The following CHRM5 variants were observed in gnomAD, a reference collection of about 807,000 sequenced individuals.
The protein encoded by CHRM5 is cholinergic receptor muscarinic 5.
In CHRM5, 18 loss-of-function variants were observed where a neutral mutation model predicts 39.0. That is an observed-to-expected ratio of 0.46 (90% CI 0.32 to 0.68). The LOEUF (loss-of-function observed/expected upper bound fraction) is 0.68. Among genes scored for constraint, CHRM5 ranks in the 30% least tolerant of loss-of-function variants. The probability of loss-of-function intolerance (pLI) is 0.04; values close to 1 mark genes in which losing one functional copy is unlikely to be tolerated. For synonymous variants in CHRM5, 241 were observed against 246.3 expected (o/e 0.98, Z 0.20); for missense variants, 515 against 651.1 (o/e 0.79, Z 2.28).
intron 1 of CHRM5, among the ~76,000 whole-genome samples, chr15:34,039,415 A>AG (rs1226972475): frequency 1.3e-5 from 2 of 151,662 alleles, no homozygotes; most frequent in Non-Finnish European, 2.9e-5. Context: ...CTCTCGGAAA[A>AG]AAAAAGTTTA....
chr15:34,039,002 T>C (rs1440529659), intron 1 of CHRM5: 1 of 1,116,642 alleles, frequency 9.0e-7, no homozygotes, highest in Non-Finnish European at 1.1e-6. Flanking sequence ...GGCCGCGGCC[T>C]GGCCGCCGCC....
intron 1 of CHRM5, among the ~76,000 whole-genome samples, chr15:33,976,342 CTAAG>C (rs1422632470): frequency 2.0e-5 from 3 of 152,228 alleles, no homozygotes; most frequent in Admixed American, 6.5e-5. Flanking sequence ...AGTCAATCTC[CTAAG>C]TGAGTAATGT....
intron 1 of CHRM5, among the ~76,000 whole-genome samples, chr15:34,021,794 G>A (rs1898211793): frequency 6.6e-6 from 1 of 152,134 alleles, no homozygotes; most frequent in South Asian, 2.1e-4. Flanking sequence ...GGTGGAGGTT[G>A]CAGTGAGCCG....
At chr15:34,030,397 G>A (rs559602792) in intron 1 of CHRM5, among the ~76,000 whole-genome samples, 163 of 152,166 alleles carry the variant, frequency 1.1e-3, no homozygotes, top group African/African-American at 2.7e-3. Flanking sequence ...CCAGGCTGGA[G>A]TGCAGTGGCG....
At chr15:34,054,053 A>C (rs903290661) in intron 2 of CHRM5, among the ~76,000 whole-genome samples, 7 of 152,206 alleles carry the variant, frequency 4.6e-5, no homozygotes, top group African/African-American at 9.7e-5. Context: ...GAAGACATAC[A>C]TGCGGCCAAA....
intron 1 of CHRM5, among the ~76,000 whole-genome samples, chr15:34,004,573 TTGTTA>T (rs1897261785): frequency 6.6e-6 from 1 of 152,204 alleles, no homozygotes; most frequent in South Asian, 2.1e-4. Flanking sequence ...TATTGTTTGT[TTGTTA>T]TAATACTGGT....
chr15:34,063,915 G>A lies in CHRM5; in HGVS notation c.1198G>A (p.Val400Met). 1 of 1,614,192 alleles carries A rather than the reference G, an allele frequency of 6.2e-7. No individual in the cohort carries two copies. The highest frequency in any genetic ancestry group is 8.5e-7 in the Non-Finnish European group (1 of 1,180,042). The change falls in exon 3 of 3, where the codon GTG becomes ATG. Residue 400 changes from valine (V) to methionine (M), a missense_variant. Physicochemically the swap from Val to Met is conservative, Grantham distance 21 (BLOSUM62 1). Transcript: ENST00000383263. The surrounding 1 kb of genome is among the most constrained non-coding windows in gnomAD (Gnocchi z 4.1). The stretch of plus-strand genomic sequence containing the variant: ...GGAGACCAACAATGGCTGTCACAAG[G>A]TGAAAATCATGCCCTGCCCCTTCCC... ...NQETNNGCHKVKIMPCPFPVA... is the reference protein window; with the variant it reads ...NQETNNGCHKMKIMPCPFPVA...
At position 33,993,852 on chromosome 15, in the gene CHRM5, T is replaced by C. The variant is rs993373676; in HGVS notation, c.-408+24702T>C. The stretch of plus-strand genomic sequence containing the variant: ...CTTAAAAAATAGGGTTTTTTTTTCC[T>C]GTGTTTGAACTTTATATAATAGAAT... On this transcript the variant is annotated intron_variant, in intron 1 of 2. Coordinates refer to ENST00000383263, the MANE Select transcript of CHRM5 (RefSeq NM_012125.4). Among the ~76,000 whole-genome samples the C allele has an allele frequency of 2.0e-5, 3 of 152,086 alleles. No individual in the cohort carries two copies. In the East Asian group the frequency reaches 5.8e-4, roughly 29 times the overall value.
At chr15:34,021,913 GAAA>G (rs1252277460) in intron 1 of CHRM5, among the ~76,000 whole-genome samples, 1 of 152,084 alleles carries the variant, frequency 6.6e-6, no homozygotes, top group Non-Finnish European at 1.5e-5. Context: ...ACATTAACAT[GAAA>G]AAGAAGTGAG....
chr15:34,024,030 C>T (rs998527574), intron 1 of CHRM5, among the ~76,000 whole-genome samples: 4 of 152,144 alleles, frequency 2.6e-5, no homozygotes, highest in African/African-American at 7.2e-5. Flanking sequence ...AAACCTGCTA[C>T]CAGAAAATAA....
intron 1 of CHRM5, among the ~76,000 whole-genome samples, 182 bp from the exon 2 acceptor site, chr15:34,046,358 C>G (rs370791254): frequency 8.8e-6 from 1 of 113,362 alleles, no homozygotes; most frequent in Admixed American, 8.8e-5. Context: ...AAAAAAAAAA[C>G]GGGAAAAAGA....
At chr15:33,974,106 A>G (rs1249042328) in intron 1 of CHRM5, among the ~76,000 whole-genome samples, 5 of 152,206 alleles carry the variant, frequency 3.3e-5, no homozygotes, top group South Asian at 2.1e-4. Context: ...CTTTTGCTCT[A>G]TTTGACATAT....
intron 2 of CHRM5, among the ~76,000 whole-genome samples, chr15:34,058,704 A>G (rs908860676): frequency 6.6e-6 from 1 of 152,124 alleles, no homozygotes; most frequent in Non-Finnish European, 1.5e-5. Context: ...TTCTCTGCCT[A>G]TAAAGCCAAA....
chr15:34,017,961 T>C (rs945518679), intron 1 of CHRM5, among the ~76,000 whole-genome samples: 1 of 152,216 alleles, frequency 6.6e-6, no homozygotes, highest in Non-Finnish European at 1.5e-5. Flanking sequence ...GATACTGATG[T>C]AAACAAACCT....
intron 1 of CHRM5, among the ~76,000 whole-genome samples, chr15:34,029,125 A>G (rs975922716): frequency 1.3e-5 from 2 of 152,102 alleles, no homozygotes; most frequent in African/African-American, 4.8e-5. Flanking sequence ...AGGCTTCCAC[A>G]GCACCTTCCC....
chr15:34,041,157 G>A (rs1899460513), intron 1 of CHRM5, among the ~76,000 whole-genome samples: 2 of 151,884 alleles, frequency 1.3e-5, no homozygotes, highest in African/African-American at 4.8e-5. Flanking sequence ...ATATTTAATA[G>A]CATCCCTGGC....
rs1187504484 is a variant in CHRM5 at position 33,973,867 on chromosome 15, T to G, written c.-408+4717T>G. On this transcript the variant is annotated intron_variant, in intron 1 of 2. Coordinates refer to ENST00000383263, the MANE Select transcript of CHRM5 (RefSeq NM_012125.4). ...AAATGAATGTGAAAATGTATCTTAATGCATTCTCAGGTACAATCTCAGACA... is the reference window on the plus strand; with the variant it reads ...AAATGAATGTGAAAATGTATCTTAAGGCATTCTCAGGTACAATCTCAGACA... Among the ~76,000 whole-genome samples, 6 of 152,340 alleles carry G rather than the reference T, an allele frequency of 3.9e-5. No homozygotes were observed. The South Asian group carries it at 1.0e-3, about 26-fold the overall frequency.
At chr15:34,004,907 T>C (rs919598915) in intron 1 of CHRM5, among the ~76,000 whole-genome samples, 6 of 151,842 alleles carry the variant, frequency 4.0e-5, no homozygotes, top group Non-Finnish European at 7.4e-5. Flanking sequence ...AAAATCCTTA[T>C]CAAGAAAAAA....
intron 1 of CHRM5, among the ~76,000 whole-genome samples, chr15:34,045,801 T>C (rs1899661894): frequency 1.3e-5 from 2 of 152,208 alleles, no homozygotes; most frequent in Non-Finnish European, 2.9e-5. Flanking sequence ...ATTCATTTGG[T>C]ACACAGGGTT....
Sources: gnomAD v4.1 joint callset for allele counts (sites outside exome capture counted in the v4.1 genomes callset) on GRCh38, gnomAD v4.1.1 for gene constraint, Gnocchi (gnomAD v3.1) non-coding constraint, MANE v1.5 for transcripts, NCBI Gene and HGNC (gene_info 2026-07-23, HGNC 2026-07-21) for gene names.